The following SGCD variants were observed in gnomAD, a reference collection of about 807,000 sequenced individuals.
SGCD encodes the protein sarcoglycan delta, also known as delta-sarcoglycan.
SGCD carries 18 observed loss-of-function variants against 36.6 expected under a neutral mutation model. That is an observed-to-expected ratio of 0.49 (90% CI 0.34 to 0.73). SGCD has a LOEUF of 0.73. Among genes scored for constraint, SGCD ranks in the 30% least tolerant of loss-of-function variants. The pLI is 0.01. For synonymous variants in SGCD, 133 were observed against 130.6 expected, an observed-to-expected ratio of 1.02 and a Z score of -0.12; for missense variants, 387 against 346.7, an observed-to-expected ratio of 1.12 and a Z score of -0.92.
chr5:156,146,596 T>C (rs910577912), intron 3 of SGCD, among the ~76,000 whole-genome samples: 4 of 152,248 alleles, frequency 2.6e-5, no homozygotes, highest in African/African-American at 9.6e-5. Flanking sequence ...ATTTTACATG[T>C]AATTTTAACC....
chr5:155,963,015 A>C (rs930295332), intron 1 of SGCD, among the ~76,000 whole-genome samples: 1 of 152,100 alleles, frequency 6.6e-6, no homozygotes, highest in Non-Finnish European at 1.5e-5. Flanking sequence ...TCTCCGTTTG[A>C]TTATCCAGTT....
At chr5:155,812,227 A>C in the SGCD span, among the ~76,000 whole-genome samples, 1 of 152,194 alleles carries the variant, frequency 6.6e-6, no homozygotes, top group Non-Finnish European at 1.5e-5. Context: ...CAGGTGCCCC[A>C]CCATGTGTCC....
the SGCD span, among the ~76,000 whole-genome samples, chr5:155,804,175 A>G: frequency 5.3e-5 from 8 of 152,320 alleles, no homozygotes; most frequent in Admixed American, 3.9e-4. Flanking sequence ...TGAAAATACC[A>G]GCATTTATTT....
intron 3 of SGCD, among the ~76,000 whole-genome samples, chr5:156,277,516 C>A (rs368692394): frequency 3.9e-5 from 6 of 152,056 alleles, no homozygotes. Context: ...AGAGTATTGA[C>A]CACAGCATAA....
chr5:156,497,855 C>A (rs1334988109), intron 3 of SGCD, among the ~76,000 whole-genome samples: 1 of 152,122 alleles, frequency 6.6e-6, no homozygotes, highest in African/African-American at 2.4e-5. Context: ...CTGGTCCTTT[C>A]CCTTGCTGTT....
chr5:156,472,690 T>C (rs2127829367), intron 3 of SGCD, among the ~76,000 whole-genome samples: 1 of 152,316 alleles, frequency 6.6e-6, no homozygotes, highest in Non-Finnish European at 1.5e-5. Flanking sequence ...AGTGCTTGGA[T>C]GGGATTACAG....
chr5:156,220,524 G>A (rs1191443426), intron 3 of SGCD, among the ~76,000 whole-genome samples: 1 of 152,096 alleles, frequency 6.6e-6, no homozygotes, highest in African/African-American at 2.4e-5. Context: ...GTTATGAATG[G>A]TGGATTGAAT....
At chr5:156,022,032 C>T (rs775685647) in intron 1 of SGCD, among the ~76,000 whole-genome samples, 1 of 152,068 alleles carries the variant, frequency 6.6e-6, no homozygotes, top group Non-Finnish European at 1.5e-5. Flanking sequence ...TTCATTTTCC[C>T]CTACTCATGC....
rs576695199 is a variant in SGCD at position 156,735,745 on chromosome 5, GC to G, written c.576-21831del. ...AGGGCCCGCAGACCATCGCTGCTTTGCCCCCTGGATTCAGCCACTTTCCTAG... is the reference window on the plus strand; with the variant it reads ...AGGGCCCGCAGACCATCGCTGCTTTGCCCCTGGATTCAGCCACTTTCCTAG... On this transcript the variant is annotated intron_variant, in intron 7 of 8. Coordinates refer to ENST00000337851, the MANE Select transcript of SGCD (RefSeq NM_000337.6). Among the ~76,000 whole-genome samples, 1,023 of 152,204 alleles carry G rather than the reference GC, an allele frequency of 6.7e-3. 5 individuals are homozygous for G. Among genetic ancestry groups the G allele is most frequent in the Non-Finnish European group, 0.012 (782 of 67,994 alleles).
intron 8 of SGCD, 92 bp from the exon 9 acceptor site, chr5:156,759,125 G>A (rs1581541516): frequency 1.0e-6 from 1 of 996,864 alleles, no homozygotes; most frequent in East Asian, 2.4e-5. Context: ...TTAGATTTCA[G>A]TTGAATTGAA....
the SGCD span, among the ~76,000 whole-genome samples, chr5:155,798,769 CA>C: frequency 6.6e-6 from 1 of 152,126 alleles, no homozygotes; most frequent in Admixed American, 6.6e-5. Context: ...TTTGGTAAAA[CA>C]ATCTGGCTGT....
chr5:156,649,809 T>G (rs1024124090), intron 7 of SGCD, among the ~76,000 whole-genome samples: 1 of 152,088 alleles, frequency 6.6e-6, no homozygotes, highest in Non-Finnish European at 1.5e-5. Context: ...CATGTATACA[T>G]ATGTAACAAA....
At chr5:156,329,632 T>C (rs1767972843) in intron 2 of SGCD, 53 bp downstream of exon 2, 3 of 1,546,252 alleles carry the variant, frequency 1.9e-6, no homozygotes, top group Non-Finnish European at 2.7e-6. Context: ...ATGGTCATTT[T>C]ATTATTAACA....
intron 3 of SGCD, among the ~76,000 whole-genome samples, chr5:156,242,967 G>A (rs781647366): frequency 5.9e-5 from 9 of 152,168 alleles, no homozygotes; most frequent in Non-Finnish European, 1.2e-4. Flanking sequence ...GGAATACCTG[G>A]TAAGGTGGTC....
At chr5:156,037,195 G>A (rs532398975) in intron 1 of SGCD, among the ~76,000 whole-genome samples, 99 of 152,270 alleles carry the variant, frequency 6.5e-4, no homozygotes, top group African/African-American at 2.3e-3. Context: ...AGTAGATGAC[G>A]GAGGACCAGA....
At position 156,150,815 on chromosome 5, in the gene SGCD, A is replaced by T. The variant is rs572907601; in HGVS notation, c.-44+26796A>T. On this transcript the variant is annotated intron_variant, in intron 3 of 9. Coordinates refer to the SGCD transcript ENST00000517913. Reference sequence around the variant, plus strand: ...CTGAAAGATAGCTTATTAATTGATCACTATTTTTCCTCAAAGCTGCTCAGT... The same window carrying T: ...CTGAAAGATAGCTTATTAATTGATCTCTATTTTTCCTCAAAGCTGCTCAGT... Among the ~76,000 whole-genome samples, 4 of 151,656 alleles carry T rather than the reference A, an allele frequency of 2.6e-5. No homozygotes were observed. In the South Asian group the frequency reaches 8.3e-4, roughly 31 times the overall value.
chr5:156,317,813 A>C (rs901556125), intron 3 of SGCD, among the ~76,000 whole-genome samples: 29 of 152,194 alleles, frequency 1.9e-4, no homozygotes, highest in African/African-American at 7.0e-4. Flanking sequence ...TTTCTTTAGG[A>C]TAAAATACTG....
intron 3 of SGCD, among the ~76,000 whole-genome samples, chr5:156,346,429 G>T (rs1409248766): frequency 6.6e-6 from 1 of 152,080 alleles, no homozygotes. Context: ...CCCTCAAGTA[G>T]ATAGAACTAG....
intron 7 of SGCD, among the ~76,000 whole-genome samples, chr5:156,752,227 C>A (rs1757170628): frequency 1.3e-5 from 2 of 151,980 alleles, no homozygotes; most frequent in African/African-American, 4.8e-5. Flanking sequence ...TTTAAGGATG[C>A]AAATTTAGTC....
Sources: allele counts gnomAD v4.1 joint callset (sites outside exome capture counted in the v4.1 genomes callset), GRCh38; gene constraint gnomAD v4.1.1; transcripts MANE v1.5; gene names NCBI Gene and HGNC (gene_info 2026-07-23, HGNC 2026-07-21).